ECPAS: variants seen among roughly 807,000 people sequenced by gnomAD.
The protein encoded by ECPAS is Ecm29 proteasome adaptor and scaffold, also known as proteasome adapter and scaffold protein ECM29.
A neutral mutation model predicts 255.1 loss-of-function variants in ECPAS; 70 were observed. The ratio of observed to expected loss-of-function variants is 0.27; its 90% CI spans 0.23 to 0.33. The LOEUF is 0.33. Ranked by LOEUF, ECPAS falls within the 10% of genes least tolerant of loss-of-function variation. ECPAS has a pLI of 1.00. For synonymous variants in ECPAS, 784 were observed against 775.0 expected (o/e 1.01, Z -0.19); for missense variants, 1,817 against 2,206.4 (o/e 0.82, Z 3.54).
At chr9:111,433,100 A>C in intron 8 of ECPAS, 133 bp downstream of exon 8, 2 of 857,994 alleles carry the variant, frequency 2.3e-6, no homozygotes, top group South Asian at 1.8e-5. Flanking sequence ...ACTTGATTAC[A>C]AACTAGGTAT....
intron 2 of ECPAS, among the ~76,000 whole-genome samples, chr9:111,455,438 C>T (rs1252322438): frequency 4.6e-5 from 7 of 152,170 alleles, no homozygotes; most frequent in African/African-American, 1.7e-4. Flanking sequence ...GAGCAGATAT[C>T]GTGCCACTGC....
At chr9:111,464,269 C>T (rs1452311458) in intron 2 of ECPAS, among the ~76,000 whole-genome samples, 1 of 142,754 alleles carries the variant, frequency 7.0e-6, no homozygotes, top group East Asian at 2.1e-4. Context: ...TCCATCTCTA[C>T]CAAAAAAAAA....
chr9:111,453,132 A>G (rs901518158), intron 2 of ECPAS, among the ~76,000 whole-genome samples: 1 of 152,170 alleles, frequency 6.6e-6, no homozygotes, highest in African/African-American at 2.4e-5. Context: ...CTATGGTCCC[A>G]GCTACTCCAG....
chr9:111,463,268 G>T (rs1003961007), intron 2 of ECPAS, among the ~76,000 whole-genome samples: 1 of 152,106 alleles, frequency 6.6e-6, no homozygotes, highest in Non-Finnish European at 1.5e-5. Context: ...ACCCTTCTGT[G>T]GTGAAACTTC....
chr9:111,417,003 C>G (rs914521958), intron 17 of ECPAS, among the ~76,000 whole-genome samples: 1 of 152,176 alleles, frequency 6.6e-6, no homozygotes, highest in East Asian at 1.9e-4. Flanking sequence ...CTTAAACTTA[C>G]ACTACCCTAA....
intron 42 of ECPAS, 77 bp from the exon 43 acceptor site, chr9:111,371,906 G>T (rs924442494): frequency 6.2e-6 from 7 of 1,137,350 alleles, no homozygotes; most frequent in Non-Finnish European, 9.0e-6. Flanking sequence ...AAAAAAGTCA[G>T]TGACCAACAG....
intron 21 of ECPAS, chr9:111,411,703 A>G (rs1376526905): frequency 1.3e-5 from 3 of 227,404 alleles, no homozygotes; most frequent in Non-Finnish European, 2.5e-5. Context: ...TTCCAAGATC[A>G]GATGAGATTA....
intron 5 of ECPAS, among the ~76,000 whole-genome samples, chr9:111,441,645 T>C (rs1164646543): frequency 1.3e-5 from 2 of 152,250 alleles, no homozygotes; most frequent in East Asian, 1.9e-4. Flanking sequence ...TTAACACCTT[T>C]TGATACTCTT....
At chr9:111,393,053 G>C (rs1234453985) in intron 27 of ECPAS, among the ~76,000 whole-genome samples, 171 bp from the exon 28 acceptor site, 1 of 152,110 alleles carries the variant, frequency 6.6e-6, no homozygotes, top group East Asian at 1.9e-4. Flanking sequence ...CATTTCAGGG[G>C]ACATGGCACC....
At chr9:111,437,514 CA>C (rs2098239903) in intron 6 of ECPAS, among the ~76,000 whole-genome samples, 1 of 152,182 alleles carries the variant, frequency 6.6e-6, no homozygotes, top group Admixed American at 6.5e-5. Flanking sequence ...AGTATTTTTA[CA>C]GTCATTCTCA....
intron 16 of ECPAS, 138 bp downstream of exon 16, chr9:111,419,879 T>A (rs1335412748): frequency 1.7e-6 from 1 of 583,120 alleles, no homozygotes; most frequent in Non-Finnish European, 3.1e-6. Context: ...CAGGTCTATA[T>A]CACATCAAGA....
At chr9:111,473,899 T>C (rs552344644) in intron 1 of ECPAS, among the ~76,000 whole-genome samples, 16 of 152,140 alleles carry the variant, frequency 1.1e-4, no homozygotes, top group Non-Finnish European at 1.8e-4. Flanking sequence ...ACCAGGAAAT[T>C]GTGGCTGCAG....
At chr9:111,405,304 A>AAT (rs2131684047) in intron 24 of ECPAS, among the ~76,000 whole-genome samples, 1 of 149,952 alleles carries the variant, frequency 6.7e-6, no homozygotes, top group South Asian at 2.1e-4. Context: ...TCAAGAACAT[A>AAT]TATTGAGGAA....
At chr9:111,453,719 T>C (rs2098263336) in intron 2 of ECPAS, among the ~76,000 whole-genome samples, 1 of 152,150 alleles carries the variant, frequency 6.6e-6, no homozygotes, top group South Asian at 2.1e-4. Context: ...CCCTCTGGTA[T>C]TCATAACAAA....
Position 111,390,030 on chromosome 9 carries a change from T to C in ECPAS, c.3233A>G (p.Lys1078Arg). 1.2e-6 allele frequency: 2 copies of C among 1,601,364 alleles called. No individual in the cohort carries two copies. Among genetic ancestry groups the C allele is most frequent in the Non-Finnish European group, 1.7e-6 (2 of 1,170,440 alleles). The change falls in exon 30 of 50, where the codon AAA (lysine) becomes AGA (arginine). Residue 1078 changes from lysine (K) to arginine (R), a missense_variant. By Grantham distance (26) the Lys-to-Arg change is conservative (BLOSUM62 2). Coordinates refer to ENST00000684092, the MANE Select transcript of ECPAS (RefSeq NM_001364929.1). ...SDLSQPDLVY[K>R]FMNLANHHAM... ...ATGATGGTTGGCTAAATTCATAAAT[T>C]TATACACCAGATCTGGCTGGCTAAG...
intron 46 of ECPAS, among the ~76,000 whole-genome samples, chr9:111,367,225 A>G (rs1025623502): frequency 5.9e-5 from 9 of 152,210 alleles, no homozygotes; most frequent in African/African-American, 2.2e-4. Flanking sequence ...AGGATTTAGT[A>G]GGGCTCAAAC....
Position 111,484,200 on chromosome 9 carries a change from G to A in ECPAS, c.-167C>T. Reference sequence around the variant, plus strand: ...TGTAGAGCGAGGCGTTCGGCGGGCCGGGCCCCGGGGAGCCGCGCGCCGCAG... The same window carrying A: ...TGTAGAGCGAGGCGTTCGGCGGGCCAGGCCCCGGGGAGCCGCGCGCCGCAG... On this transcript the variant is annotated 5_prime_UTR_variant, in exon 1 of 50. Transcript: ENST00000684092. 2 of 1,475,070 alleles carry A rather than the reference G, an allele frequency of 1.4e-6. No homozygotes were observed. Among genetic ancestry groups the A allele is most frequent in the Non-Finnish European group, 1.8e-6 (2 of 1,116,288 alleles). The allele number at this position is 1,475,070 out of a possible 1,614,324, so 91.4% of individuals were successfully genotyped here.
intron 24 of ECPAS, among the ~76,000 whole-genome samples, chr9:111,401,361 C>G (rs564818330): frequency 1.3e-5 from 2 of 152,212 alleles, no homozygotes; most frequent in African/African-American, 4.8e-5. Flanking sequence ...GCAAAACCAG[C>G]AAGTTTTTAT....
intron 37 of ECPAS, 57 bp downstream of exon 37, chr9:111,376,419 A>T: frequency 7.3e-7 from 1 of 1,370,760 alleles, no homozygotes; most frequent in Non-Finnish European, 1.0e-6. Flanking sequence ...AAGACTTTGA[A>T]GAATTACACT....
Sources: gnomAD v4.1 joint callset for allele counts (sites outside exome capture counted in the v4.1 genomes callset) on GRCh38, gnomAD v4.1.1 for gene constraint, MANE v1.5 for transcripts, NCBI Gene and HGNC (gene_info 2026-07-23, HGNC 2026-07-21) for gene names.